ZNF831: variants seen among roughly 807,000 people sequenced by gnomAD.
The protein encoded by ZNF831 is chromosome 20 open reading frame 174.
In ZNF831, 59 loss-of-function variants were observed where a neutral mutation model predicts 95.8. That is an observed-to-expected ratio of 0.62 (90% CI 0.50 to 0.77). The LOEUF is 0.77. Among genes scored for constraint, ZNF831 ranks in the 30% least tolerant of loss-of-function variants. The pLI is 0.00. For synonymous variants in ZNF831, 961 were observed against 925.5 expected (o/e 1.04, Z -0.70); for missense variants, 2,205 against 2,164.0 (o/e 1.02, Z -0.38).
At chr20:59,128,943 G>A (rs1979262705) in intron 1 of ZNF831, among the ~76,000 whole-genome samples, 1 of 152,092 alleles carries the variant, frequency 6.6e-6, no homozygotes, top group African/African-American at 2.4e-5. Context: ...TGTATTTTTG[G>A]TAGAGACGGG....
chr20:59,220,477 G>C (rs943885987), intron 4 of ZNF831, among the ~76,000 whole-genome samples: 4 of 152,118 alleles, frequency 2.6e-5, no homozygotes, highest in African/African-American at 9.7e-5. Context: ...TAACTTTAGG[G>C]GCTACAGAGA....
intron 4 of ZNF831, among the ~76,000 whole-genome samples, chr20:59,225,952 G>A (rs1311705857): frequency 6.6e-6 from 1 of 152,226 alleles, no homozygotes; most frequent in African/African-American, 2.4e-5. Context: ...CCAGGTCTCT[G>A]TTGATCCCTC....
intron 1 of ZNF831, among the ~76,000 whole-genome samples, chr20:59,145,178 T>C (rs1979804036): frequency 1.3e-5 from 2 of 152,328 alleles, no homozygotes; most frequent in South Asian, 4.1e-4. Context: ...CCTTAGATGG[T>C]GAACTTTGAC....
chr20:59,193,945 C>A lies in ZNF831; in HGVS notation c.2926C>A (p.Arg976=), dbSNP rs201578806. ...CTGCAGCAGTGGGTGGCCTGAAGAACGGGCATCATTTGTTGGGTCAGGACT... is the reference window on the plus strand; with the variant it reads ...CTGCAGCAGTGGGTGGCCTGAAGAAAGGGCATCATTTGTTGGGTCAGGACT... ...SLCSSGWPEE[R]ASFVGSGLGT... is the part of the protein sequence containing the mutation. Residue 976 remains arginine (R), a synonymous_variant, in exon 2 of 6, where the codon CGG becomes AGG. Coordinates refer to ENST00000371030, the MANE Select transcript of ZNF831 (RefSeq NM_178457.3). The A allele has an allele frequency of 6.3e-7, 1 of 1,583,654 alleles. No homozygotes were observed. Among genetic ancestry groups the A allele is most frequent in the Non-Finnish European group, 8.6e-7 (1 of 1,164,978 alleles).
rs76444232 is a variant in ZNF831 at position 59,255,088 on chromosome 20, A to G, written c.*345A>G. The G allele has an allele frequency of 1.0e-3, 215 of 208,012 alleles. 3 individuals carry two copies. In the East Asian group the frequency reaches 0.015, roughly 14 times the overall value. 12.9% of individuals were successfully genotyped at this position (208,012 alleles called of 1,614,324 possible). A position where few individuals can be genotyped will look rare whatever the true frequency, so the allele number is the denominator to read the frequency against. On this transcript the variant is annotated 3_prime_UTR_variant, in exon 6 of 6. Transcript: ENST00000371030. ...TCCCCCACTGCCTCTCTGCAATCAA[A>G]TGGCACTAACCAAGAAAGCCACCAT...
rs1218264165 is a variant in ZNF831 at position 59,257,076 on chromosome 20, C to G, written c.*2333C>G. The G allele has an allele frequency of 6.6e-6, 1 of 152,172 alleles. No homozygotes were observed. Among genetic ancestry groups the G allele is most frequent in the Non-Finnish European group, 1.5e-5 (1 of 68,064 alleles). 9.4% of individuals were successfully genotyped at this position (152,172 alleles called of 1,614,324 possible). A position where few individuals can be genotyped will look rare whatever the true frequency, so the allele number is the denominator to read the frequency against. On this transcript the variant is annotated 3_prime_UTR_variant, in exon 6 of 6. Transcript: ENST00000371030. ...GGCTGTAAATCAGTAAGTCATAGCT[C>G]CAAACAGCACCAACTTCAGGATGAT... is the stretch of plus-strand genomic sequence containing the variant.
chr20:59,155,885 G>A (rs1291013804), intron 2 of ZNF831, among the ~76,000 whole-genome samples: 19 of 152,088 alleles, frequency 1.2e-4, no homozygotes, highest in Admixed American at 1.2e-3. Flanking sequence ...GCCCCTCCTA[G>A]AGAGGAAGGA....
intron 4 of ZNF831, among the ~76,000 whole-genome samples, chr20:59,238,967 T>C (rs1277560646): frequency 6.6e-6 from 1 of 152,130 alleles, no homozygotes; most frequent in Non-Finnish European, 1.5e-5. Context: ...ATGAGAGAAA[T>C]ATTGGAATAT....
At chr20:59,134,976 A>G (rs1979457930) in intron 1 of ZNF831, among the ~76,000 whole-genome samples, 1 of 152,050 alleles carries the variant, frequency 6.6e-6, no homozygotes, top group Admixed American at 6.6e-5. Flanking sequence ...TGGAAAAAAA[A>G]CCATCTGCAT....
intron 4 of ZNF831, among the ~76,000 whole-genome samples, chr20:59,238,866 A>G (rs1987153702): frequency 6.6e-6 from 1 of 152,226 alleles, no homozygotes; most frequent in Non-Finnish European, 1.5e-5. Context: ...GATAAGTTTC[A>G]TAATCACGAA....
At chr20:59,162,116 G>A (rs1050979341), upstream of ZNF831, among the ~76,000 whole-genome samples, 4 of 151,820 alleles carry the variant, frequency 2.6e-5, no homozygotes, top group African/African-American at 9.7e-5. Flanking sequence ...TGGTTTTGTT[G>A]TTGTTTGTTT....
chr20:59,190,882 G>A (rs2146540615), intron 1 of ZNF831, 102 bp from the exon 2 acceptor site: 2 of 1,039,782 alleles, frequency 1.9e-6, no homozygotes, highest in South Asian at 2.7e-5. Context: ...GGGATTGTCA[G>A]GCTTCCGTTG....
At chr20:59,236,972 G>A (rs1692146858) in intron 4 of ZNF831, among the ~76,000 whole-genome samples, 1 of 152,084 alleles carries the variant, frequency 6.6e-6, no homozygotes, top group Admixed American at 6.5e-5. Flanking sequence ...CTGGAGTGTG[G>A]CCACCTCATC....
chr20:59,237,775 G>A (rs368630422), intron 4 of ZNF831, among the ~76,000 whole-genome samples: 3 of 152,078 alleles, frequency 2.0e-5, no homozygotes, highest in East Asian at 3.8e-4. Context: ...AACATAGCCC[G>A]CAGCCATCCT....
chr20:59,140,667 A>G (rs1269188352), intron 1 of ZNF831, among the ~76,000 whole-genome samples: 1 of 152,156 alleles, frequency 6.6e-6, no homozygotes, highest in African/African-American at 2.4e-5. Context: ...CCCATTTTAC[A>G]TTCACATCAG....
chr20:59,127,497 C>T (rs1188668451), intron 1 of ZNF831, among the ~76,000 whole-genome samples: 1 of 152,196 alleles, frequency 6.6e-6, no homozygotes, highest in Non-Finnish European at 1.5e-5. Context: ...CCCCACGGGG[C>T]TCCCTGCTCT....
chr20:59,141,398 A>G (rs1189448257), intron 1 of ZNF831, among the ~76,000 whole-genome samples: 1 of 152,212 alleles, frequency 6.6e-6, no homozygotes, highest in Non-Finnish European at 1.5e-5. Context: ...TGTGAGGTGT[A>G]GAATAGATTT....
intron 4 of ZNF831, among the ~76,000 whole-genome samples, chr20:59,249,438 C>T (rs1987776884): frequency 6.6e-6 from 1 of 152,184 alleles, no homozygotes; most frequent in Non-Finnish European, 1.5e-5. Flanking sequence ...GCGTCTGCTT[C>T]CTTGTCTTTG....
At position 59,193,350 on chromosome 20, in the gene ZNF831, G is replaced by A; in HGVS notation, c.2331G>A (p.Arg777=). 6.2e-7 allele frequency: 1 copy of A among 1,610,982 alleles called. No homozygotes were observed. The change falls in exon 2 of 6, where the codon AGG becomes AGA. Residue 777 remains arginine, a synonymous_variant. Transcript: ENST00000371030. ...PLKGGDVEAP[R]PVWPDPKLEG... ...AAGGGGGTGATGTAGAGGCTCCCAG[G>A]CCAGTTTGGCCGGACCCCAAGCTGG...
Sources: allele counts gnomAD v4.1 joint callset (sites outside exome capture counted in the v4.1 genomes callset), GRCh38; gene constraint gnomAD v4.1.1; transcripts MANE v1.5; gene names NCBI Gene and HGNC (gene_info 2026-07-23, HGNC 2026-07-21).